PCDH7: variants seen among roughly 807,000 people sequenced by gnomAD.
PCDH7 encodes the protein protocadherin 7.
PCDH7 carries 17 observed loss-of-function variants against 58.9 expected under a neutral mutation model. The observed-to-expected ratio is 0.29, with a 90% CI of 0.20 to 0.43. PCDH7 has a LOEUF of 0.43. Among genes scored for constraint, PCDH7 ranks in the 20% least tolerant of loss-of-function variants. The probability of loss-of-function intolerance (pLI) is 1.00; values close to 1 mark genes in which losing one functional copy is unlikely to be tolerated. For missense variants in PCDH7, 1,274 were observed against 1,441.0 expected, an observed-to-expected ratio of 0.88 and a Z score of 1.88; for synonymous variants, 664 against 616.4, an observed-to-expected ratio of 1.08 and a Z score of -1.14.
intron 3 of PCDH7, among the ~76,000 whole-genome samples, chr4:30,999,305 G>C (rs1021628255): frequency 6.6e-6 from 1 of 152,112 alleles, no homozygotes; most frequent in African/African-American, 2.4e-5. Flanking sequence ...AAAATAATAA[G>C]TGTGTGAAAA....
intron 1 of PCDH7, among the ~76,000 whole-genome samples, chr4:30,758,747 C>A (rs1341607280): frequency 6.6e-6 from 1 of 152,112 alleles, no homozygotes; most frequent in Admixed American, 6.5e-5. Flanking sequence ...AACTACATAA[C>A]TGTGGATTGC....
At chr4:31,010,637 A>C (rs1753100286) in intron 3 of PCDH7, among the ~76,000 whole-genome samples, 1 of 151,872 alleles carries the variant, frequency 6.6e-6, no homozygotes, top group South Asian at 2.1e-4. Context: ...CCTAACACTA[A>C]AGCAATATTC....
intron 1 of PCDH7, among the ~76,000 whole-genome samples, chr4:30,831,513 G>A (rs1037917979): frequency 9.2e-5 from 14 of 151,912 alleles, no homozygotes; most frequent in African/African-American, 3.1e-4. Flanking sequence ...CTTGAACATG[G>A]GTATTCAACA....
intron 1 of PCDH7, among the ~76,000 whole-genome samples, chr4:30,773,183 A>T (rs1401806179): frequency 6.6e-6 from 1 of 152,232 alleles, no homozygotes; most frequent in African/African-American, 2.4e-5. Context: ...GATTACAGTC[A>T]TGAGCTACCA....
chr4:31,067,588 G>A (rs1200668288), intron 3 of PCDH7, among the ~76,000 whole-genome samples: 1 of 151,898 alleles, frequency 6.6e-6, no homozygotes, highest in East Asian at 1.9e-4. Context: ...TAGAGAAAGA[G>A]CAGCCAGTTC....
intron 3 of PCDH7, among the ~76,000 whole-genome samples, chr4:31,002,075 G>A (rs1010092167): frequency 5.3e-5 from 8 of 152,070 alleles, no homozygotes; most frequent in African/African-American, 1.9e-4. Flanking sequence ...AACAACCATA[G>A]ATAACAATTG....
intron 2 of PCDH7, among the ~76,000 whole-genome samples, chr4:30,939,669 T>G (rs1412435872): frequency 6.6e-6 from 1 of 152,142 alleles, no homozygotes; most frequent in Non-Finnish European, 1.5e-5. Flanking sequence ...CCAACACAAC[T>G]GTCTCTATAA....
In PCDH7 at chr4:31,131,875, G is replaced by C. The variant is rs562055436; in HGVS notation, c.*8-10598G>C. ...GACTACAGGAAAGAAAAATGCATGG[G>C]TGTCATATTTATTACATTAAAAAAA... On this transcript the variant is annotated intron_variant, in intron 3 of 3. Coordinates refer to the PCDH7 transcript ENST00000509759. Among the ~76,000 whole-genome samples, 5 of 152,128 alleles carry C rather than the reference G, an allele frequency of 3.3e-5. No homozygotes were observed. The East Asian group carries it at 9.7e-4, about 29-fold the overall frequency.
At chr4:31,041,608 AC>A (rs1185109801) in intron 3 of PCDH7, among the ~76,000 whole-genome samples, 1 of 152,010 alleles carries the variant, frequency 6.6e-6, no homozygotes, top group Non-Finnish European at 1.5e-5. Context: ...CAGTCCTACA[AC>A]GAAAAGAATT....
intron 1 of PCDH7, among the ~76,000 whole-genome samples, chr4:30,831,354 G>A (rs1334563974): frequency 6.6e-6 from 1 of 152,054 alleles, no homozygotes; most frequent in Non-Finnish European, 1.5e-5. Flanking sequence ...CAAAGAATTG[G>A]GTTCAATTCA....
At chr4:30,932,024 GACTA>G (rs944511866) in intron 2 of PCDH7, among the ~76,000 whole-genome samples, 6 of 151,956 alleles carry the variant, frequency 3.9e-5, no homozygotes, top group African/African-American at 1.5e-4. Flanking sequence ...AAGAATATGT[GACTA>G]ACTACATTTA....
chr4:31,119,165 C>T (rs1717350055), intron 3 of PCDH7, among the ~76,000 whole-genome samples: 1 of 152,120 alleles, frequency 6.6e-6, no homozygotes, highest in African/African-American at 2.4e-5. Flanking sequence ...GATTGATCAA[C>T]TCACACATTC....
chr4:30,979,061 A>ATGAG (rs1750319102), intron 3 of PCDH7, among the ~76,000 whole-genome samples: 1 of 152,050 alleles, frequency 6.6e-6, no homozygotes, highest in Non-Finnish European at 1.5e-5. Flanking sequence ...AGATGGCTGA[A>ATGAG]TGAGTGATCC....
chr4:30,821,583 A>G (rs1728381417), intron 1 of PCDH7, among the ~76,000 whole-genome samples: 1 of 152,190 alleles, frequency 6.6e-6, no homozygotes. Context: ...CCCACCCCTT[A>G]GGCGGGCCTG....
intron 3 of PCDH7, among the ~76,000 whole-genome samples, chr4:31,061,251 A>G (rs894882522): frequency 1.3e-5 from 2 of 151,634 alleles, no homozygotes; most frequent in African/African-American, 4.8e-5. Context: ...TTGTGATTTT[A>G]TTTTAAAATC....
At chr4:31,142,867 G>A in exon 4 of PCDH7, 1 of 1,347,120 alleles carries the variant, frequency 7.4e-7, no homozygotes, top group Non-Finnish European at 9.8e-7. Context: ...AGGAGCAACA[G>A]CAAAGTTCTT....
intron 3 of PCDH7, among the ~76,000 whole-genome samples, chr4:31,022,462 C>T: frequency 6.6e-6 from 1 of 152,092 alleles, no homozygotes; most frequent in East Asian, 1.9e-4. Context: ...TTTTCTGAAG[C>T]TTGGTGGGAA....
At chr4:30,748,674 C>T (rs184785590) in intron 1 of PCDH7, among the ~76,000 whole-genome samples, 13 of 152,190 alleles carry the variant, frequency 8.5e-5, no homozygotes, top group South Asian at 2.1e-4. Context: ...AATTTTGGGG[C>T]GACACATTCA....
At chr4:30,950,771 T>G (rs563389432) in intron 3 of PCDH7, among the ~76,000 whole-genome samples, 6 of 152,322 alleles carry the variant, frequency 3.9e-5, no homozygotes, top group Admixed American at 3.9e-4. Flanking sequence ...AATTACTTTC[T>G]GCAACTTTCT....
Sources: gnomAD v4.1 joint callset for allele counts (sites outside exome capture counted in the v4.1 genomes callset) on GRCh38, gnomAD v4.1.1 for gene constraint, MANE v1.5 for transcripts, NCBI Gene and HGNC (gene_info 2026-07-23, HGNC 2026-07-21) for gene names.